Variants in CYB5R4 observed in about 807,000 individuals in gnomAD.
The protein encoded by CYB5R4 is cytochrome b5 reductase 4.
Under a neutral mutation model 70.2 loss-of-function variants are expected in CYB5R4, and 55 were observed. That is an observed-to-expected ratio of 0.78 (90% CI 0.63 to 0.98). The LOEUF is 0.98. CYB5R4 is among the 50% of genes least tolerant of loss of function. The probability of loss-of-function intolerance (pLI) is 0.00; values close to 1 mark genes in which losing one functional copy is unlikely to be tolerated. For missense variants in CYB5R4, 562 were observed against 612.6 expected (o/e 0.92, Z 0.87); for synonymous variants, 197 against 199.5 (o/e 0.99, Z 0.11).
chr6:83,936,302 A>G lies in CYB5R4; in HGVS notation c.1034A>G (p.Asn345Ser). The change falls in exon 12 of 16, where the codon AAT (asparagine) becomes AGT (serine). Residue 345 changes from asparagine to serine, a missense_variant. Asn to Ser is a conservative substitution (Grantham distance 46). Coordinates refer to ENST00000369681, the MANE Select transcript of CYB5R4 (RefSeq NM_016230.4). Reference protein sequence around the residue: ...SEFKEPVLPNNKYIYFLIKIY... With the variant: ...SEFKEPVLPNSKYIYFLIKIY... ...TTCAAGGAACCAGTTCTTCCCAACA[A>G]TAAATACATCTACTTTTTGATAAAA... 2 of 1,612,760 alleles carry G rather than the reference A, an allele frequency of 1.2e-6. No homozygotes were observed. The highest frequency in any genetic ancestry group is 1.7e-6 in the Non-Finnish European group (2 of 1,179,084).
At chr6:83,879,416 G>T (rs1411704007) in intron 2 of CYB5R4, among the ~76,000 whole-genome samples, 1 of 152,050 alleles carries the variant, frequency 6.6e-6, no homozygotes, top group Non-Finnish European at 1.5e-5. Context: ...CAGGATAAGG[G>T]AGCGTGTGTG....
In CYB5R4 at chr6:83,893,541, C is replaced by G. The variant is rs1238614246; in HGVS notation, c.249C>G (p.Ser83Arg). The G allele has an allele frequency of 6.2e-7, 1 of 1,609,138 alleles. No homozygotes were observed. The highest frequency in any genetic ancestry group is 2.2e-5 in the East Asian group (1 of 44,784). Reference sequence around the variant, plus strand: ...GTACAGGTTTCGTTTATAATGTCAGCCCTTATATGGAGTATCATCCTGGTG... The same window carrying G: ...GTACAGGTTTCGTTTATAATGTCAGGCCTTATATGGAGTATCATCCTGGTG... ...ICIRGFVYNV[S>R]PYMEYHPGGE... is the part of the protein sequence containing the mutation. Residue 83 changes from serine (S) to arginine (R), a missense_variant, in exon 3 of 16, where the codon AGC (serine) becomes AGG (arginine). Physicochemically the swap from Ser to Arg is moderately radical, Grantham distance 110. Transcript: ENST00000369681.
At chr6:83,871,947 A>G (rs2099457701) in intron 2 of CYB5R4, among the ~76,000 whole-genome samples, 1 of 150,220 alleles carries the variant, frequency 6.7e-6, no homozygotes, top group African/African-American at 2.4e-5. Flanking sequence ...TTTGGTTTGT[A>G]TTTTCTCTGT....
At chr6:83,890,762 A>G (rs1323177129) in intron 2 of CYB5R4, among the ~76,000 whole-genome samples, 5 of 152,142 alleles carry the variant, frequency 3.3e-5, no homozygotes, top group Non-Finnish European at 7.3e-5. Context: ...AGCACCCAAC[A>G]TGCTGATCAG....
intron 12 of CYB5R4, among the ~76,000 whole-genome samples, chr6:83,938,102 T>C (rs1420385309): frequency 6.6e-6 from 1 of 152,246 alleles, no homozygotes; most frequent in Non-Finnish European, 1.5e-5. Context: ...ACATAATAGA[T>C]ATGATTAGTC....
At chr6:83,946,412 A>T (rs1466844226) in intron 14 of CYB5R4, among the ~76,000 whole-genome samples, 2 of 152,182 alleles carry the variant, frequency 1.3e-5, no homozygotes, top group African/African-American at 4.8e-5. Flanking sequence ...GTATTGATGG[A>T]ACATATCTTA....
intron 2 of CYB5R4, among the ~76,000 whole-genome samples, chr6:83,873,464 C>T (rs943107842): frequency 2.6e-5 from 4 of 152,082 alleles, no homozygotes; most frequent in African/African-American, 9.7e-5. Flanking sequence ...TGGTCTTGAA[C>T]TCTTGACCTC....
chr6:83,899,335 A>G (rs1485130396), intron 3 of CYB5R4, among the ~76,000 whole-genome samples: 1 of 152,130 alleles, frequency 6.6e-6, no homozygotes, highest in Non-Finnish European at 1.5e-5. Flanking sequence ...ATGGTGGATA[A>G]GCTTTTTGCT....
intron 2 of CYB5R4, 90 bp from the exon 3 acceptor site, chr6:83,893,432 T>C: frequency 2.8e-6 from 2 of 725,724 alleles, no homozygotes; most frequent in Non-Finnish European, 4.6e-6. Flanking sequence ...ATGGAATGTA[T>C]TTGGAAAGAT....
chr6:83,897,844 C>T (rs561202459), intron 3 of CYB5R4, among the ~76,000 whole-genome samples: 18 of 152,184 alleles, frequency 1.2e-4, no homozygotes, highest in African/African-American at 3.6e-4. Flanking sequence ...CTGTAGGTTG[C>T]GTGTTCACTC....
At chr6:83,904,262 ATTT>A (rs529840973) in intron 3 of CYB5R4, among the ~76,000 whole-genome samples, 174 of 152,130 alleles carry the variant, frequency 1.1e-3, no homozygotes, top group African/African-American at 4.0e-3. Flanking sequence ...GTTTCAAGAA[ATTT>A]TTTTATTTCC....
intron 12 of CYB5R4, among the ~76,000 whole-genome samples, chr6:83,938,140 G>A (rs1279328108): frequency 2.0e-5 from 3 of 152,140 alleles, no homozygotes; most frequent in East Asian, 1.9e-4. Context: ...CCAAAATATT[G>A]TATATGAATT....
chr6:83,905,308 C>T (rs1031130754), intron 3 of CYB5R4, among the ~76,000 whole-genome samples: 2 of 152,184 alleles, frequency 1.3e-5, no homozygotes, highest in Non-Finnish European at 2.9e-5. Flanking sequence ...CTTCCCGCCT[C>T]GGCCTCCCAA....
At chr6:83,953,953 T>C (rs936072668) in intron 14 of CYB5R4, among the ~76,000 whole-genome samples, 2 of 152,184 alleles carry the variant, frequency 1.3e-5, no homozygotes, top group African/African-American at 4.8e-5. Flanking sequence ...GCAGGTCTGT[T>C]CTCTTCCTCT....
intron 2 of CYB5R4, among the ~76,000 whole-genome samples, chr6:83,877,508 A>G (rs1305643900): frequency 3.4e-5 from 5 of 144,928 alleles, no homozygotes; most frequent in Non-Finnish European, 1.5e-5. Context: ...AAAGGGAGCT[A>G]GCGTGTACAA....
chr6:83,919,760 CTGTGTGTG>C (rs58002492), intron 7 of CYB5R4, among the ~76,000 whole-genome samples: 1,804 of 142,074 alleles, frequency 0.013, 29 homozygotes, highest in African/African-American at 0.032. Flanking sequence ...ATGTGTTTTT[CTGTGTGTG>C]TGTGTGTGTG....
chr6:83,922,999 GC>G (rs138692349), intron 9 of CYB5R4, among the ~76,000 whole-genome samples: 1 of 150,566 alleles, frequency 6.6e-6, no homozygotes, highest in Non-Finnish European at 1.5e-5. Context: ...GCCCCGACTG[GC>G]CCCCCTTATT....
intron 1 of CYB5R4, among the ~76,000 whole-genome samples, chr6:83,861,075 A>G (rs1455716021): frequency 6.6e-6 from 1 of 152,226 alleles, no homozygotes; most frequent in Non-Finnish European, 1.5e-5. Flanking sequence ...TTGAAGCTAA[A>G]TACTTGACTG....
rs1007190174 is a variant in CYB5R4 at position 83,955,363 on chromosome 6, C to T, written c.1412C>T (p.Ser471Leu). The change falls in exon 15 of 16, where the codon TCA (serine) becomes TTA (leucine). Residue 471 changes from serine (S) to leucine (L), a missense_variant. Coordinates refer to ENST00000369681, the MANE Select transcript of CYB5R4 (RefSeq NM_016230.4). ...SEWNGKQGHI[S>L]PALLSEFLKR... ...TGGAATGGCAAACAGGGACATATTT[C>T]ACCAGCTCTTCTTTCTGAATTTTTG... is the stretch of plus-strand genomic sequence containing the variant. The T allele has an allele frequency of 1.4e-5, 22 of 1,613,788 alleles. No individual in the cohort carries two copies. The highest frequency in any genetic ancestry group is 1.7e-5 in the Non-Finnish European group (20 of 1,179,880).
Sources: gnomAD v4.1 joint callset for allele counts (sites outside exome capture counted in the v4.1 genomes callset) on GRCh38, gnomAD v4.1.1 for gene constraint, MANE v1.5 for transcripts, NCBI Gene and HGNC (gene_info 2026-07-23, HGNC 2026-07-21) for gene names.